Variants in CACNB2 observed in about 807,000 individuals in gnomAD.
The protein encoded by CACNB2 is calcium voltage-gated channel auxiliary subunit beta 2.
In CACNB2, 42 loss-of-function variants were observed where a neutral mutation model predicts 73.3. That is an observed-to-expected ratio of 0.57 (90% confidence interval 0.45 to 0.74). The LOEUF is 0.74. Ranked by LOEUF, CACNB2 falls within the 30% of genes least tolerant of loss-of-function variation. The pLI, the probability that CACNB2 is intolerant of heterozygous loss-of-function variation, is 0.00. For synonymous variants in CACNB2, 348 were observed against 310.3 expected (o/e 1.12, Z -1.28); for missense variants, 940 against 853.0 (o/e 1.10, Z -1.27).
chr10:18,315,085 A>C (rs1222852690), intron 2 of CACNB2, among the ~76,000 whole-genome samples: 1 of 152,162 alleles, frequency 6.6e-6, no homozygotes. Context: ...TAATCTCAGC[A>C]CTTTGGGAGG....
At chr10:18,229,866 C>A (rs1013923447) in intron 2 of CACNB2, among the ~76,000 whole-genome samples, 2 of 152,158 alleles carry the variant, frequency 1.3e-5, no homozygotes, top group African/African-American at 4.8e-5. Context: ...GGTAAAATTA[C>A]ATATGGCATT....
chr10:18,144,918 A>T (rs2030803976), intron 1 of CACNB2, among the ~76,000 whole-genome samples: 1 of 152,202 alleles, frequency 6.6e-6, no homozygotes, highest in South Asian at 2.1e-4. Flanking sequence ...AGGGAATTGA[A>T]TAGCTCCTGC....
rs376144198 is a variant in CACNB2 at position 18,438,167 on chromosome 10, G to A, written c.333+36124G>A. ...TGAGTAGCTGGGACTACAGCCGCCC[G>A]CCAGCACACCTGGCGATTTTTTTTT... On this transcript the variant is annotated intron_variant, in intron 3 of 13. Transcript: ENST00000324631. Among the ~76,000 whole-genome samples, 4 of 145,956 alleles carry A rather than the reference G, an allele frequency of 2.7e-5. No homozygotes were observed. The East Asian group carries it at 6.0e-4, about 22-fold the overall frequency.
intron 3 of CACNB2, among the ~76,000 whole-genome samples, chr10:18,473,905 A>C (rs2048312096): frequency 6.6e-6 from 1 of 152,140 alleles, no homozygotes. Context: ...CCAGACAAGG[A>C]GCTAGAAGCT....
At chr10:18,364,705 G>C (rs1338546610) in intron 2 of CACNB2, among the ~76,000 whole-genome samples, 1 of 152,040 alleles carries the variant, frequency 6.6e-6, no homozygotes, top group Non-Finnish European at 1.5e-5. Context: ...CCTCTGACGT[G>C]CATTTGTTGC....
At chr10:18,460,045 T>G (rs769127614) in intron 3 of CACNB2, among the ~76,000 whole-genome samples, 6 of 152,204 alleles carry the variant, frequency 3.9e-5, no homozygotes, top group Non-Finnish European at 8.8e-5. Context: ...GGGTTTCATT[T>G]AAGAAAATCA....
chr10:18,177,126 C>T (rs1269035939), intron 2 of CACNB2, among the ~76,000 whole-genome samples: 2 of 152,042 alleles, frequency 1.3e-5, no homozygotes, highest in Non-Finnish European at 2.9e-5. Context: ...AGCAGAAGTG[C>T]CTGTTAGAGT....
intron 2 of CACNB2, chr10:18,261,081 A>C: frequency 7.1e-7 from 1 of 1,416,934 alleles, no homozygotes; most frequent in Non-Finnish European, 9.3e-7. Context: ...GGGGAGAACA[A>C]AGTTTTGGCA....
chr10:18,521,126 T>G (rs1157928253), intron 9 of CACNB2, among the ~76,000 whole-genome samples: 1 of 152,234 alleles, frequency 6.6e-6, no homozygotes, highest in East Asian at 1.9e-4. Context: ...GAAGCCAGTC[T>G]CTGCCTATGA....
rs942631236 is a variant in CACNB2 at position 18,518,895 on chromosome 10, C to T, written c.886-15C>T. On this transcript the variant is annotated splice_polypyrimidine_tract_variant and intron_variant, in intron 8 of 13. Transcript: ENST00000324631. Reference sequence around the variant, plus strand: ...TTTTTGGTCATATCTTAATTTATTGCTTGCTCAATTGCAGGTCACAGATAT... The same window carrying T: ...TTTTTGGTCATATCTTAATTTATTGTTTGCTCAATTGCAGGTCACAGATAT... The T allele has an allele frequency of 6.2e-7, 1 of 1,611,118 alleles. No homozygotes were observed. Among genetic ancestry groups the T allele is most frequent in the Non-Finnish European group, 8.5e-7 (1 of 1,177,500 alleles).
At chr10:18,211,413 C>A (rs1219157415) in intron 2 of CACNB2, among the ~76,000 whole-genome samples, 2 of 152,218 alleles carry the variant, frequency 1.3e-5, no homozygotes, top group South Asian at 2.1e-4. Context: ...TTAAGATATA[C>A]AAAAAGGCTC....
intron 3 of CACNB2, among the ~76,000 whole-genome samples, chr10:18,450,364 C>G (rs1564563444): frequency 6.6e-6 from 1 of 151,986 alleles, no homozygotes; most frequent in African/African-American, 2.4e-5. Context: ...ATCTTGTATG[C>G]ATTGTACCTG....
chr10:18,319,170 C>A (rs531665950), intron 2 of CACNB2, among the ~76,000 whole-genome samples: 1 of 152,130 alleles, frequency 6.6e-6, no homozygotes, highest in Admixed American at 6.6e-5. Context: ...TGGCACTGTT[C>A]ACAATAGCAA....
chr10:18,427,845 TCA>T (rs956724249), intron 3 of CACNB2, among the ~76,000 whole-genome samples: 2 of 152,126 alleles, frequency 1.3e-5, no homozygotes, highest in African/African-American at 4.8e-5. Context: ...TCAATAAATC[TCA>T]CTATATATTT....
intron 2 of CACNB2, among the ~76,000 whole-genome samples, chr10:18,351,847 TG>T (rs1398734918): frequency 2.0e-5 from 3 of 152,226 alleles, no homozygotes; most frequent in African/African-American, 7.2e-5. Flanking sequence ...CTTTTTTTCC[TG>T]ATGAATTCAT....
chr10:18,423,198 A>T (rs1218488750), intron 3 of CACNB2, among the ~76,000 whole-genome samples: 2 of 152,132 alleles, frequency 1.3e-5, no homozygotes, highest in Non-Finnish European at 2.9e-5. Context: ...CTCAGTGAGG[A>T]ATCAGGATTG....
chr10:18,149,115 C>T (rs183481401), intron 1 of CACNB2, among the ~76,000 whole-genome samples: 2 of 152,048 alleles, frequency 1.3e-5, no homozygotes, highest in East Asian at 3.9e-4. Context: ...TCGCTACACC[C>T]CCAAAGAAAC....
intron 2 of CACNB2, among the ~76,000 whole-genome samples, chr10:18,199,875 G>A (rs1001889908): frequency 6.6e-6 from 1 of 151,522 alleles, no homozygotes; most frequent in Non-Finnish European, 1.5e-5. Context: ...GGAAGAAGCG[G>A]TTGGGATCTG....
At chr10:18,200,140 A>C (rs1391049092) in intron 2 of CACNB2, among the ~76,000 whole-genome samples, 1 of 152,142 alleles carries the variant, frequency 6.6e-6, no homozygotes, top group African/African-American at 2.4e-5. Flanking sequence ...AATTACTAAA[A>C]AGTTCCAACA....
Sources: allele counts gnomAD v4.1 joint callset (sites outside exome capture counted in the v4.1 genomes callset), GRCh38; gene constraint gnomAD v4.1.1; transcripts MANE v1.5; gene names NCBI Gene and HGNC (gene_info 2026-07-23, HGNC 2026-07-21).